HECTD4: variants seen among roughly 807,000 people sequenced by gnomAD.
The protein encoded by HECTD4 is probable E3 ubiquitin-protein ligase HECTD4.
In HECTD4, 114 loss-of-function variants were observed where a neutral mutation model predicts 471.5. That is an observed-to-expected ratio of 0.24 (90% CI 0.21 to 0.28). HECTD4 has a LOEUF of 0.28. Among genes scored for constraint, HECTD4 ranks in the 10% least tolerant of loss-of-function variants. The pLI is 1.00. For missense variants in HECTD4, 3,866 were observed against 5,651.5 expected (o/e 0.68, Z 10.13); for synonymous variants, 2,012 against 2,256.0 (o/e 0.89, Z 3.07).
At chr12:112,276,649 G>A (rs1173559614) in intron 9 of HECTD4, among the ~76,000 whole-genome samples, 3 of 152,108 alleles carry the variant, frequency 2.0e-5, no homozygotes, top group South Asian at 2.1e-4. Context: ...GTTTCACCAC[G>A]TTGGCCACGA....
intron 1 of HECTD4, among the ~76,000 whole-genome samples, chr12:112,376,448 G>A (rs1452693639): frequency 2.2e-4 from 33 of 151,830 alleles, no homozygotes; most frequent in South Asian, 6.2e-4. Context: ...GGGTTTCACC[G>A]TGTTAGCCAG....
intron 1 of HECTD4, among the ~76,000 whole-genome samples, chr12:112,371,233 ACTAT>A (rs2036661292): frequency 1.3e-5 from 2 of 152,206 alleles, no homozygotes; most frequent in Admixed American, 6.6e-5. Flanking sequence ...TGAAACAGAG[ACTAT>A]CTATTATCTC....
rs2032403952 is a variant in HECTD4 at position 112,200,866 on chromosome 12, T to TGC, written c.8407-69_8407-68insGC. 4.6e-6 allele frequency: 6 copies of TGC among 1,315,712 alleles called. No homozygotes were observed. In the East Asian group the frequency reaches 9.6e-5, roughly 21 times the overall value. The allele number at this position is 1,315,712 out of a possible 1,614,324, so 81.5% of individuals were successfully genotyped here. A position where few individuals can be genotyped will look rare whatever the true frequency, so the allele number is the denominator to read the frequency against. On this transcript the variant is annotated intron_variant, in intron 54 of 75. Transcript: ENST00000682272. ...TGTTTTCCATGTGTGCGTGCGTGCGTGTGTGTGTGCGTGCGTGCGTGTGTG... is the reference window on the plus strand; with the variant it reads ...TGTTTTCCATGTGTGCGTGCGTGCGTGCGTGTGTGTGCGTGCGTGCGTGTGTG...
chr12:112,261,498 A>G, intron 17 of HECTD4, 69 bp from the exon 18 acceptor site: 2 of 1,374,794 alleles, frequency 1.5e-6, no homozygotes, highest in Non-Finnish European at 2.0e-6. Flanking sequence ...TGACAACATG[A>G]AATGATGTAT....
chr12:112,258,775 G>C, intron 19 of HECTD4, 179 bp from the exon 20 acceptor site: 1 of 573,310 alleles, frequency 1.7e-6, no homozygotes, highest in Non-Finnish European at 3.0e-6. Flanking sequence ...ATGCTGTAAT[G>C]GAATGCATCA....
intron 1 of HECTD4, among the ~76,000 whole-genome samples, chr12:112,350,663 G>A (rs2036234473): frequency 6.6e-6 from 1 of 152,148 alleles, no homozygotes; most frequent in Non-Finnish European, 1.5e-5. Context: ...TATCTTTATA[G>A]TGTCCCTCAA....
In HECTD4 at chr12:112,314,563, G is replaced by A. The variant is rs1374108057; in HGVS notation, c.696-17C>T. 2.3e-6 allele frequency: 3 copies of A among 1,326,194 alleles called. No individual in the cohort carries two copies. The highest frequency in any genetic ancestry group is 3.1e-6 in the Non-Finnish European group (3 of 957,610). 82.2% of individuals were successfully genotyped at this position (1,326,194 alleles called of 1,614,324 possible). Reference sequence around the variant, plus strand: ...AATGATCCCCTAAAAATAAAAGGAAGGAACAGTAAATCATCAAAATTTAAA... The same window carrying A: ...AATGATCCCCTAAAAATAAAAGGAAAGAACAGTAAATCATCAAAATTTAAA... On this transcript the variant is annotated splice_polypyrimidine_tract_variant and intron_variant, in intron 2 of 75. Coordinates refer to ENST00000682272, the MANE Select transcript of HECTD4 (RefSeq NM_001388303.1).
chr12:112,308,122 A>G (rs1310349785), intron 6 of HECTD4, among the ~76,000 whole-genome samples: 1 of 152,220 alleles, frequency 6.6e-6, no homozygotes, highest in Non-Finnish European at 1.5e-5. Flanking sequence ...AGTTACCATC[A>G]TTGTTATTAT....
Position 112,243,914 on chromosome 12 carries a change from T to C in HECTD4, c.4609A>G (p.Ile1537Val). The change falls in exon 30 of 76, where the codon ATT (isoleucine) becomes GTT (valine). Residue 1537 changes from isoleucine (I) to valine (V), a missense_variant. Physicochemically the swap from Ile to Val is conservative, Grantham distance 29. Coordinates refer to ENST00000682272, the MANE Select transcript of HECTD4 (RefSeq NM_001388303.1). This position sits in a 1 kb window ranked among gnomAD's most constrained non-coding sequence, Gnocchi z 6.6. The part of the protein sequence containing the change: ...SMSAPSDLEM[I>V]GNEDLEFTRA... The stretch of plus-strand genomic sequence containing the variant: ...GTAAATTCCAAATCTTCATTACCAA[T>C]CATTTCCAGGTCAGAAGGAGCTGAC... The C allele has an allele frequency of 6.2e-7, 1 of 1,613,954 alleles. No homozygotes were observed. The highest frequency in any genetic ancestry group is 8.5e-7 in the Non-Finnish European group (1 of 1,179,890).
At chr12:112,328,356 C>G (rs1272490968) in intron 1 of HECTD4, among the ~76,000 whole-genome samples, 2 of 152,028 alleles carry the variant, frequency 1.3e-5, no homozygotes, top group Non-Finnish European at 2.9e-5. Context: ...AGGCTGATCT[C>G]AAACTCCTGG....
At chr12:112,212,822 G>C (rs1566074326) in intron 48 of HECTD4, among the ~76,000 whole-genome samples, 172 bp from the exon 49 acceptor site, 3 of 152,046 alleles carry the variant, frequency 2.0e-5, no homozygotes, top group Admixed American at 6.6e-5. Context: ...TTGAGACGGA[G>C]TCTCACTCTG....
At chr12:112,327,196 A>T (rs938576144) in intron 1 of HECTD4, among the ~76,000 whole-genome samples, 1 of 152,166 alleles carries the variant, frequency 6.6e-6, no homozygotes, top group East Asian at 1.9e-4. Flanking sequence ...GCATGCCTGT[A>T]ATCCCAGCTA....
rs1236056441 is a variant in HECTD4 at position 112,188,850 on chromosome 12, C to T, written c.9472+1936G>A. Reference sequence around the variant, plus strand: ...CCTTGCTCCCCTCTCTGCTGGGGCACAGGGCTAGGCCCTCAGATGCCAGAA... The same window carrying T: ...CCTTGCTCCCCTCTCTGCTGGGGCATAGGGCTAGGCCCTCAGATGCCAGAA... On this transcript the variant is annotated intron_variant, in intron 60 of 75. Coordinates refer to ENST00000682272, the MANE Select transcript of HECTD4 (RefSeq NM_001388303.1). This position sits in a 1 kb window ranked among gnomAD's most constrained non-coding sequence, Gnocchi z 4.2. Among the ~76,000 whole-genome samples, 1 of 152,222 alleles carries T rather than the reference C, an allele frequency of 6.6e-6. No homozygotes were observed. The highest frequency in any genetic ancestry group is 1.5e-5 in the Non-Finnish European group (1 of 68,036).
chr12:112,239,575 T>G lies in HECTD4; in HGVS notation c.5105+306A>C, dbSNP rs759920542. On this transcript the variant is annotated intron_variant, in intron 33 of 75. Coordinates refer to ENST00000682272, the MANE Select transcript of HECTD4 (RefSeq NM_001388303.1). The surrounding 1 kb of genome is among the most constrained non-coding windows in gnomAD (Gnocchi z 4.9). The stretch of plus-strand genomic sequence containing the variant: ...TAACTAAGTGACCCAAGAGAGGAAA[T>G]AAATGTATATATGCAAAATATTTCT... Among the ~76,000 whole-genome samples, 6 of 152,212 alleles carry G rather than the reference T, an allele frequency of 3.9e-5. No individual in the cohort carries two copies. The highest frequency in any genetic ancestry group is 7.3e-5 in the Non-Finnish European group (5 of 68,036).
intron 44 of HECTD4, among the ~76,000 whole-genome samples, chr12:112,221,837 C>G (rs554715212): frequency 6.6e-6 from 1 of 151,980 alleles, no homozygotes; most frequent in South Asian, 2.1e-4. Flanking sequence ...TCACTACAAC[C>G]TCTGCCTCCT....
chr12:112,265,272 T>C lies in HECTD4; in HGVS notation c.2522A>G (p.Tyr841Cys). The change falls in exon 16 of 76, where the codon TAC becomes TGC. Residue 841 changes from tyrosine to cysteine, a missense_variant. By Grantham distance (194) the Tyr-to-Cys change is radical (BLOSUM62 -2). This residue lies in a region of HECTD4 where 525 missense variants were observed against 672.6 expected (regional missense o/e 0.78). Transcript: ENST00000682272. ...HYRLNDELLH[Y>C]ILKIVVRESC... ...TTCTCGTACAACAATCTTCAGAATG[T>C]AGTGTAAAAGTTCATCATTTAGTCT... The C allele has an allele frequency of 6.3e-7, 1 of 1,579,990 alleles. No homozygotes were observed. The highest frequency in any genetic ancestry group is 8.6e-7 in the Non-Finnish European group (1 of 1,156,742).
intron 67 of HECTD4, among the ~76,000 whole-genome samples, chr12:112,172,041 T>C (rs2137008351): frequency 6.6e-6 from 1 of 152,244 alleles, no homozygotes; most frequent in Middle Eastern, 3.4e-3. Context: ...GTAGCTGGGA[T>C]TACAGGCATG....
intron 52 of HECTD4, among the ~76,000 whole-genome samples, chr12:112,206,706 T>C (rs2032596399): frequency 6.6e-6 from 1 of 151,948 alleles, no homozygotes; most frequent in Non-Finnish European, 1.5e-5. Flanking sequence ...CTGGCTAATT[T>C]TTTGTATTTT....
Position 112,193,571 on chromosome 12 carries a change from G to C in HECTD4, c.8853C>G (p.Ser2951=). 6.2e-7 allele frequency: 1 copy of C among 1,613,220 alleles called. No individual in the cohort carries two copies. The highest frequency in any genetic ancestry group is 8.5e-7 in the Non-Finnish European group (1 of 1,179,618). The part of the protein sequence containing the change: ...SATDLFYQGN[S]QTVREWLNVA... ...CGTTGAGCCACTCTCTCACTGTCTG[G>C]GAGTTGCCCTGGTAAAAGAGGTCCG... The change falls in exon 57 of 76, where the codon TCC becomes TCG. Residue 2951 remains serine, a synonymous_variant. Coordinates refer to ENST00000682272, the MANE Select transcript of HECTD4 (RefSeq NM_001388303.1). The surrounding 1 kb of genome is among the most constrained non-coding windows in gnomAD (Gnocchi z 5.2).
Sources: gnomAD v4.1 joint callset for allele counts (sites outside exome capture counted in the v4.1 genomes callset) on GRCh38, gnomAD v4.1.1 for gene constraint, gnomAD v4.1.1 regional missense constraint, Gnocchi (gnomAD v3.1) non-coding constraint, MANE v1.5 for transcripts, NCBI Gene and HGNC (gene_info 2026-07-23, HGNC 2026-07-21) for gene names.